ELOVL7: variants seen among roughly 807,000 people sequenced by gnomAD.
The protein encoded by ELOVL7 is ELOVL fatty acid elongase 7.
ELOVL7 carries 27 observed loss-of-function variants against 35.7 expected under a neutral mutation model. The observed-to-expected ratio is 0.76, with a 90% CI of 0.56 to 1.04. ELOVL7 has a LOEUF of 1.04. Ranked by LOEUF, ELOVL7 falls within the 50% of genes least tolerant of loss-of-function variation. ELOVL7 has a pLI of 0.00. For missense variants in ELOVL7, 327 were observed against 340.8 expected (o/e 0.96, Z 0.32); for synonymous variants, 113 against 114.6 (o/e 0.99, Z 0.09).
chr5:60,797,268 T>C (rs6449502), intron 2 of ELOVL7, among the ~76,000 whole-genome samples: 124,057 of 152,220 alleles, frequency 0.81, 50,788 homozygotes, highest in East Asian at 0.9. Flanking sequence ...ATTCCACCTA[T>C]TACACAGGAT....
At chr5:60,829,262 A>C (rs1746348201) in intron 1 of ELOVL7, among the ~76,000 whole-genome samples, 1 of 152,166 alleles carries the variant, frequency 6.6e-6, no homozygotes, top group African/African-American at 2.4e-5. Context: ...CTTTTTTAAA[A>C]GGCTACAAGA....
At chr5:60,826,357 G>C (rs1746170196) in intron 1 of ELOVL7, among the ~76,000 whole-genome samples, 1 of 151,974 alleles carries the variant, frequency 6.6e-6, no homozygotes, top group Non-Finnish European at 1.5e-5. Context: ...AGATACACCT[G>C]TATCTGTGAT....
At position 60,801,139 on chromosome 5, in the gene ELOVL7, G is replaced by C. The variant is rs1220258460; in HGVS notation, c.-85-1909C>G. On this transcript the variant is annotated intron_variant, in intron 1 of 8. Transcript: ENST00000508821. ...ATGGGTGTCTTACTATGTTGCCCGG[G>C]CTGGTCTCAAACTCCTGAGCTCAGG... Among the ~76,000 whole-genome samples the C allele has an allele frequency of 3.9e-5, 6 of 151,996 alleles. No homozygotes were observed. In the East Asian group the frequency reaches 7.8e-4, roughly 20 times the overall value.
At chr5:60,801,853 C>G (rs1352056642) in intron 1 of ELOVL7, among the ~76,000 whole-genome samples, 1 of 151,860 alleles carries the variant, frequency 6.6e-6, no homozygotes, top group Non-Finnish European at 1.5e-5. Flanking sequence ...GCTCTTTGGC[C>G]TTTGGACTCT....
At chr5:60,780,936 C>T (rs1295279409) in intron 3 of ELOVL7, among the ~76,000 whole-genome samples, 1 of 152,110 alleles carries the variant, frequency 6.6e-6, no homozygotes. Flanking sequence ...ACTGGCCAGG[C>T]GCCATGGCTC....
chr5:60,787,268 T>C, intron 3 of ELOVL7, 66 bp downstream of exon 3: 1 of 1,336,918 alleles, frequency 7.5e-7, no homozygotes, highest in South Asian at 1.3e-5. Context: ...AGTGAAATCC[T>C]ATTAAATATG....
chr5:60,795,140 A>G (rs1243058232), intron 2 of ELOVL7, among the ~76,000 whole-genome samples: 1 of 152,188 alleles, frequency 6.6e-6, no homozygotes, highest in Admixed American at 6.5e-5. Context: ...ACTGTGACTG[A>G]TTAGATAGGG....
intron 2 of ELOVL7, among the ~76,000 whole-genome samples, chr5:60,798,144 A>G (rs977071938): frequency 6.6e-6 from 1 of 152,204 alleles, no homozygotes; most frequent in Non-Finnish European, 1.5e-5. Flanking sequence ...CACCTTGGGC[A>G]CATGTTGTCA....
chr5:60,799,553 A>G (rs564117288), intron 1 of ELOVL7, among the ~76,000 whole-genome samples: 87 of 152,346 alleles, frequency 5.7e-4, no homozygotes, highest in African/African-American at 2.0e-3. Context: ...GAAAAATGAT[A>G]CACCGACATA....
At chr5:60,834,367 C>T (rs1003716433) in intron 1 of ELOVL7, among the ~76,000 whole-genome samples, 1 of 152,110 alleles carries the variant, frequency 6.6e-6, no homozygotes, top group Non-Finnish European at 1.5e-5. Context: ...GGATGGTCTC[C>T]ATCTCCTGAC....
In ELOVL7 at chr5:60,754,247, A is replaced by G. The variant is rs1341504594; in HGVS notation, c.*377T>C. ...CAGCAGAAGGAATCTATTTTATCAC[A>G]TGGATCTCCGTCTGTGCTCAAAATA... On this transcript the variant is annotated 3_prime_UTR_variant, in exon 9 of 9. Transcript: ENST00000508821. 5.3e-6 allele frequency: 1 copy of G among 187,456 alleles called. No individual in the cohort carries two copies. Among genetic ancestry groups the G allele is most frequent in the Non-Finnish European group, 1.1e-5 (1 of 89,240 alleles). 11.6% of individuals were successfully genotyped at this position (187,456 alleles called of 1,614,324 possible). A position where few individuals can be genotyped will look rare whatever the true frequency, so the allele number is the denominator to read the frequency against.
intron 2 of ELOVL7, among the ~76,000 whole-genome samples, chr5:60,797,633 G>A (rs1180281356): frequency 6.6e-6 from 1 of 152,232 alleles, no homozygotes. Flanking sequence ...AGGATAACAG[G>A]AGGCAAGAGC....
chr5:60,782,630 A>G (rs1259913111), intron 3 of ELOVL7, among the ~76,000 whole-genome samples: 1 of 152,260 alleles, frequency 6.6e-6, no homozygotes, highest in African/African-American at 2.4e-5. Context: ...GCCTTCAAAA[A>G]GAAAATCCTA....
Position 60,772,108 on chromosome 5 carries a change from A to C in ELOVL7, c.65-15T>G. The C allele has an allele frequency of 1.9e-6, 3 of 1,581,792 alleles. No individual in the cohort carries two copies. Among genetic ancestry groups the C allele is most frequent in the Non-Finnish European group, 2.6e-6 (3 of 1,160,834 alleles). ...AACTCTTGGATCTAAGAGAAAAACAATATGTGAGTACACACCTGCTTAGCC... is the reference window on the plus strand; with the variant it reads ...AACTCTTGGATCTAAGAGAAAAACACTATGTGAGTACACACCTGCTTAGCC... On this transcript the variant is annotated splice_polypyrimidine_tract_variant and intron_variant, in intron 3 of 8. Coordinates refer to ENST00000508821, the MANE Select transcript of ELOVL7 (RefSeq NM_024930.3).
chr5:60,789,577 A>G lies in ELOVL7; in HGVS notation c.-34-2146T>C, dbSNP rs574397744. Among the ~76,000 whole-genome samples the G allele has an allele frequency of 3.3e-5, 5 of 152,320 alleles. No homozygotes were observed. In the South Asian group the frequency reaches 1.0e-3, roughly 32 times the overall value. On this transcript the variant is annotated intron_variant, in intron 2 of 8. Coordinates refer to ENST00000508821, the MANE Select transcript of ELOVL7 (RefSeq NM_024930.3). Reference sequence around the variant, plus strand: ...ATTTGCCATTATCAGTCAAAATTATAAATGCATACTTTTAACACAGCATTT... The same window carrying G: ...ATTTGCCATTATCAGTCAAAATTATGAATGCATACTTTTAACACAGCATTT...
chr5:60,833,600 G>T (rs1255555925), intron 1 of ELOVL7, among the ~76,000 whole-genome samples: 1 of 152,112 alleles, frequency 6.6e-6, no homozygotes, highest in Non-Finnish European at 1.5e-5. Flanking sequence ...ACCTACATTA[G>T]AAATTAAATT....
intron 3 of ELOVL7, among the ~76,000 whole-genome samples, chr5:60,780,640 G>C (rs1482158673): frequency 6.6e-6 from 1 of 152,130 alleles, no homozygotes; most frequent in Non-Finnish European, 1.5e-5. Flanking sequence ...TTGCTGGGGA[G>C]GCCTCAGGAA....
At chr5:60,771,839 T>C in intron 4 of ELOVL7, 64 bp downstream of exon 4, 4 of 1,186,018 alleles carry the variant, frequency 3.4e-6, no homozygotes, top group Non-Finnish European at 2.4e-6. Context: ...ACAGAAAACA[T>C]AATGACACAT....
chr5:60,794,506 G>A (rs1005404004), intron 2 of ELOVL7, among the ~76,000 whole-genome samples: 1 of 152,042 alleles, frequency 6.6e-6, no homozygotes, highest in Non-Finnish European at 1.5e-5. Flanking sequence ...GACCTCAGAT[G>A]TGCTTGCAGT....
Sources: allele counts gnomAD v4.1 joint callset (sites outside exome capture counted in the v4.1 genomes callset), GRCh38; gene constraint gnomAD v4.1.1; transcripts MANE v1.5; gene names NCBI Gene and HGNC (gene_info 2026-07-23, HGNC 2026-07-21).